The following TASP1 variants were observed in gnomAD, a reference collection of about 807,000 sequenced individuals.
TASP1 encodes the protein threonine aspartase 1.
TASP1 carries 16 observed loss-of-function variants against 56.6 expected under a neutral mutation model. The ratio of observed to expected loss-of-function variants is 0.28; its 90% CI spans 0.19 to 0.43. The LOEUF (loss-of-function observed/expected upper bound fraction) is 0.43, where lower values mean the gene tolerates loss of function less well. TASP1 is among the 20% of genes least tolerant of loss of function. The pLI is 1.00. For synonymous variants in TASP1, 179 were observed against 184.2 expected, an observed-to-expected ratio of 0.97 and a Z score of 0.23; for missense variants, 393 against 511.6, an observed-to-expected ratio of 0.77 and a Z score of 2.24.
intron 12 of TASP1, among the ~76,000 whole-genome samples, chr20:13,420,971 A>C (rs915953438): frequency 2.0e-5 from 3 of 152,158 alleles, no homozygotes; most frequent in African/African-American, 7.2e-5. Flanking sequence ...CATCAAACAC[A>C]AACACCAAAT....
chr20:13,536,840 A>G lies in TASP1; in HGVS notation c.676-2699T>C, dbSNP rs181105618. Among the ~76,000 whole-genome samples, 910 of 151,844 alleles carry G rather than the reference A, an allele frequency of 6.0e-3. 10 individuals are homozygous for G. Among genetic ancestry groups the G allele is most frequent in the African/African-American group, 0.021 (872 of 41,484 alleles). ...TCTTTTTTACATTTCAGTTATTTTA[A>G]TTAATAAATATTATATATATTTATG... On this transcript the variant is annotated intron_variant, in intron 8 of 13. Transcript: ENST00000337743.
At chr20:13,146,551 A>G in the TASP1 span, among the ~76,000 whole-genome samples, 1 of 152,232 alleles carries the variant, frequency 6.6e-6, no homozygotes, top group African/African-American at 2.4e-5. Context: ...CTCTCTATTT[A>G]AATGCAAAGT....
intron 12 of TASP1, among the ~76,000 whole-genome samples, chr20:13,426,019 C>T (rs902269330): frequency 7.9e-5 from 12 of 152,110 alleles, no homozygotes; most frequent in Admixed American, 3.9e-4. Context: ...ATAATCATTC[C>T]CTCTTTCTAA....
chr20:13,478,346 TACACAC>T (rs35289716), intron 11 of TASP1, among the ~76,000 whole-genome samples: 4 of 140,192 alleles, frequency 2.9e-5, no homozygotes, highest in Non-Finnish European at 6.3e-5. Context: ...GAAAATATGA[TACACAC>T]ACACACACAC....
intron 13 of TASP1, among the ~76,000 whole-genome samples, chr20:13,408,374 G>A (rs1300955267): frequency 6.6e-6 from 1 of 152,084 alleles, no homozygotes; most frequent in Non-Finnish European, 1.5e-5. Flanking sequence ...GTGTCCACGG[G>A]CAATAATACT....
At chr20:13,149,583 A>T in the TASP1 span, among the ~76,000 whole-genome samples, 2 of 152,244 alleles carry the variant, frequency 1.3e-5, no homozygotes, top group Non-Finnish European at 2.9e-5. Context: ...ATTTGTAGTA[A>T]CCTATATGAG....
the TASP1 span, among the ~76,000 whole-genome samples, chr20:13,177,065 C>T: frequency 6.6e-6 from 1 of 152,058 alleles, no homozygotes; most frequent in East Asian, 1.9e-4. Context: ...CATGGTGAAA[C>T]CCCATCTCTG....
intron 12 of TASP1, among the ~76,000 whole-genome samples, chr20:13,428,980 T>C (rs891440595): frequency 5.3e-5 from 8 of 152,206 alleles, no homozygotes; most frequent in African/African-American, 1.9e-4. Context: ...TGCCCTCAAA[T>C]AGTTCACAAT....
At chr20:13,240,636 G>A in the TASP1 span, among the ~76,000 whole-genome samples, 1 of 152,214 alleles carries the variant, frequency 6.6e-6, no homozygotes, top group Non-Finnish European at 1.5e-5. Context: ...TGGTGAGGAA[G>A]CAGCCATTGA....
chr20:13,603,085 G>T (rs2048022179), intron 4 of TASP1, among the ~76,000 whole-genome samples: 1 of 152,078 alleles, frequency 6.6e-6, no homozygotes, highest in Admixed American at 6.6e-5. Context: ...ACAAAAAGCA[G>T]CTGGGCATGG....
the TASP1 span, among the ~76,000 whole-genome samples, chr20:13,108,820 A>T: frequency 6.6e-6 from 1 of 152,146 alleles, no homozygotes; most frequent in African/African-American, 2.4e-5. Flanking sequence ...GCTTTGCTAG[A>T]TGTCACCTTT....
chr20:13,562,285 A>G (rs1258653171), intron 7 of TASP1, among the ~76,000 whole-genome samples: 1 of 152,206 alleles, frequency 6.6e-6, no homozygotes, highest in Non-Finnish European at 1.5e-5. Context: ...TTTTATGGCT[A>G]TAAACACATT....
At chr20:13,484,733 CAAAAAAAA>C (rs34720600) in intron 10 of TASP1, among the ~76,000 whole-genome samples, 1 of 81,162 alleles carries the variant, frequency 1.2e-5, no homozygotes, top group African/African-American at 4.4e-5. Flanking sequence ...CAAGATTTCT[CAAAAAAAA>C]AAAAAAAAAA....
chr20:13,573,811 G>C (rs2046800137), intron 6 of TASP1, among the ~76,000 whole-genome samples: 1 of 152,170 alleles, frequency 6.6e-6, no homozygotes, highest in Non-Finnish European at 1.5e-5. Context: ...TAATCCTTGA[G>C]AGAAAGGAAA....
At chr20:13,487,545 C>G (rs1456202023) in intron 10 of TASP1, among the ~76,000 whole-genome samples, 2 of 152,106 alleles carry the variant, frequency 1.3e-5, no homozygotes, top group Admixed American at 1.3e-4. Context: ...TACTCCAGCC[C>G]CAGCTCTCTC....
At position 13,590,998 on chromosome 20, in the gene TASP1, C is replaced by G. The variant is rs144781023; in HGVS notation, c.283-3628G>C. On this transcript the variant is annotated intron_variant, in intron 4 of 13. Transcript: ENST00000337743. The stretch of plus-strand genomic sequence containing the variant: ...GAAAATAGCAATAAACGTAATAATA[C>G]AGCAATAAAAATTATCCAAATAAAT... 2.9e-3 allele frequency among the ~76,000 whole-genome samples: 435 copies of G among 148,564 alleles called. 2 individuals carry two copies. Among genetic ancestry groups the G allele is most frequent in the African/African-American group, 0.01 (409 of 40,286 alleles).
chr20:13,175,912 C>T, the TASP1 span, among the ~76,000 whole-genome samples: 1 of 152,064 alleles, frequency 6.6e-6, no homozygotes, highest in East Asian at 1.9e-4. Context: ...CTCTGATAGA[C>T]ATGAGAAAAC....
At chr20:13,381,723 AG>A in the TASP1 span, among the ~76,000 whole-genome samples, 1 of 152,204 alleles carries the variant, frequency 6.6e-6, no homozygotes, top group Non-Finnish European at 1.5e-5. Context: ...AGAGGGCATC[AG>A]TGCTCTTTTC....
the TASP1 span, among the ~76,000 whole-genome samples, chr20:13,174,452 C>G: frequency 2.6e-5 from 4 of 152,140 alleles, no homozygotes; most frequent in African/African-American, 9.7e-5. Flanking sequence ...AATTCCAGCA[C>G]TTTGGGAGGC....
Sources: gnomAD v4.1 joint callset for allele counts (sites outside exome capture counted in the v4.1 genomes callset) on GRCh38, gnomAD v4.1.1 for gene constraint, MANE v1.5 for transcripts, NCBI Gene and HGNC (gene_info 2026-07-23, HGNC 2026-07-21) for gene names.